Variants in KIAA0825 observed in about 807,000 individuals in gnomAD.
The protein encoded by KIAA0825 is KIAA0825.
KIAA0825 carries 119 observed loss-of-function variants against 147.6 expected under a neutral mutation model. The ratio of observed to expected loss-of-function variants is 0.81; its 90% confidence interval spans 0.69 to 0.94. The LOEUF is 0.94. Ranked by LOEUF, KIAA0825 falls within the 40% of genes least tolerant of loss-of-function variation. The pLI is 0.00. For synonymous variants in KIAA0825, 470 were observed against 518.1 expected (o/e 0.91, Z 1.26); for missense variants, 1,381 against 1,472.7 (o/e 0.94, Z 1.02).
chr5:94,298,970 G>T (rs943628245), intron 20 of KIAA0825, among the ~76,000 whole-genome samples: 1 of 152,036 alleles, frequency 6.6e-6, no homozygotes, highest in African/African-American at 2.4e-5. Flanking sequence ...CCCTCAATTC[G>T]CACTGTGTGG....
rs952497352 is a variant in KIAA0825, at chr5:94,304,414, G to T, written c.3710+79954C>A. 4.6e-5 allele frequency among the ~76,000 whole-genome samples: 7 copies of T among 152,170 alleles called. No homozygotes were observed. In the South Asian group the frequency reaches 1.2e-3, roughly 27 times the overall value. On this transcript the variant is annotated intron_variant, in intron 20 of 20. Transcript: ENST00000682413. Reference sequence around the variant, plus strand: ...GAGAGGGAATAATACGGCAGGTGAGGGGGGGTGACCCGTATCAACTAGAGA... The same window carrying T: ...GAGAGGGAATAATACGGCAGGTGAGTGGGGGTGACCCGTATCAACTAGAGA...
chr5:94,268,476 G>T (rs1397658457), intron 20 of KIAA0825, among the ~76,000 whole-genome samples: 3 of 152,118 alleles, frequency 2.0e-5, no homozygotes, highest in Non-Finnish European at 4.4e-5. Context: ...ATGTGGCAAA[G>T]TTGTTGGCTG....
intron 9 of KIAA0825, 123 bp from the exon 10 acceptor site, chr5:94,470,234 G>T: frequency 1.7e-6 from 1 of 590,964 alleles, no homozygotes; most frequent in Non-Finnish European, 2.5e-6. Context: ...TCTTAATGCT[G>T]AAGTCTGCAT....
intron 20 of KIAA0825, among the ~76,000 whole-genome samples, chr5:94,236,533 C>T (rs953136035): frequency 6.6e-6 from 1 of 152,156 alleles, no homozygotes; most frequent in Non-Finnish European, 1.5e-5. Context: ...TAGAATATTT[C>T]ATAAATTTAG....
chr5:94,348,394 G>A (rs1266011829), intron 20 of KIAA0825, among the ~76,000 whole-genome samples: 4 of 152,078 alleles, frequency 2.6e-5, no homozygotes, highest in East Asian at 1.9e-4. Context: ...GCTATGATAC[G>A]GAAGCACTAG....
At chr5:94,565,230 G>A (rs1778479470) in intron 2 of KIAA0825, among the ~76,000 whole-genome samples, 1 of 148,938 alleles carries the variant, frequency 6.7e-6, no homozygotes, top group South Asian at 2.1e-4. Flanking sequence ...ACCATGCCTG[G>A]TCTCTCCCTG....
At chr5:94,221,262 A>T (rs929654693) in intron 20 of KIAA0825, among the ~76,000 whole-genome samples, 28 of 152,144 alleles carry the variant, frequency 1.8e-4, no homozygotes, top group African/African-American at 6.8e-4. Flanking sequence ...GCCAACTTTC[A>T]TCCTTCTCTA....
intron 13 of KIAA0825, among the ~76,000 whole-genome samples, chr5:94,440,364 A>T (rs964852584): frequency 2.6e-5 from 4 of 152,168 alleles, no homozygotes; most frequent in Non-Finnish European, 5.9e-5. Flanking sequence ...CAAAATACCC[A>T]TGCCTATGTT....
rs538510120 is a variant in KIAA0825, at chr5:94,335,159, A to G, written c.3710+49209T>C. 6.6e-5 allele frequency among the ~76,000 whole-genome samples: 10 copies of G among 152,266 alleles called. No individual in the cohort carries two copies. The East Asian group carries it at 1.9e-3, about 29-fold the overall frequency. On this transcript the variant is annotated intron_variant, in intron 20 of 20. Transcript: ENST00000682413. ...AAAATAAAAATAGCTATTGTTATTT[A>G]CTCCTCAATATGAATTTAGAATTAG...
chr5:94,170,894 T>C (rs1768550715), intron 20 of KIAA0825, among the ~76,000 whole-genome samples: 1 of 152,178 alleles, frequency 6.6e-6, no homozygotes, highest in Non-Finnish European at 1.5e-5. Flanking sequence ...GCTCATCACA[T>C]CATTCATGGA....
chr5:94,482,121 C>T (rs186980697), intron 6 of KIAA0825, among the ~76,000 whole-genome samples: 21 of 152,094 alleles, frequency 1.4e-4, no homozygotes, highest in Admixed American at 2.0e-4. Flanking sequence ...CAAACAAAAG[C>T]AAATAATGAC....
chr5:94,465,326 G>A (rs531612962), intron 10 of KIAA0825, among the ~76,000 whole-genome samples: 1 of 152,296 alleles, frequency 6.6e-6, no homozygotes, highest in African/African-American at 2.4e-5. Flanking sequence ...CTAGCCTAGG[G>A]TTTAAAATCT....
chr5:94,582,216 T>C (rs1004859534), intron 2 of KIAA0825, among the ~76,000 whole-genome samples: 1 of 152,148 alleles, frequency 6.6e-6, no homozygotes, highest in African/African-American at 2.4e-5. Context: ...GCTGCAGTGT[T>C]GTGTAGAAGA....
At chr5:94,441,746 T>C (rs1031221114) in intron 13 of KIAA0825, among the ~76,000 whole-genome samples, 1 of 152,150 alleles carries the variant, frequency 6.6e-6, no homozygotes, top group Non-Finnish European at 1.5e-5. Context: ...GAGAAATAAA[T>C]GTTTGTTAAG....
chr5:94,312,515 C>G (rs1779278192), intron 20 of KIAA0825, among the ~76,000 whole-genome samples: 1 of 151,530 alleles, frequency 6.6e-6, no homozygotes, highest in African/African-American at 2.4e-5. Flanking sequence ...ATTTTGCGTT[C>G]TAAAGATGAT....
intron 9 of KIAA0825, among the ~76,000 whole-genome samples, chr5:94,470,775 C>A (rs1282084547): frequency 6.6e-6 from 1 of 151,996 alleles, no homozygotes; most frequent in East Asian, 1.9e-4. Context: ...TAACGGACTG[C>A]AAAGGCTGGA....
intron 20 of KIAA0825, among the ~76,000 whole-genome samples, chr5:94,267,954 G>T (rs1169752056): frequency 1.3e-5 from 2 of 151,934 alleles, no homozygotes; most frequent in East Asian, 1.9e-4. Context: ...CACAGACGTG[G>T]GATATAATAT....
At chr5:94,297,242 T>G (rs888406923) in intron 20 of KIAA0825, among the ~76,000 whole-genome samples, 1 of 152,120 alleles carries the variant, frequency 6.6e-6, no homozygotes, top group Non-Finnish European at 1.5e-5. Context: ...AGTTATTATC[T>G]CTAAATCCTG....
At chr5:94,230,922 C>T (rs1165807292) in intron 20 of KIAA0825, among the ~76,000 whole-genome samples, 1 of 152,086 alleles carries the variant, frequency 6.6e-6, no homozygotes, top group Non-Finnish European at 1.5e-5. Context: ...AGATTAGTTT[C>T]AATTGTTGTA....
Sources: gnomAD v4.1 joint callset for allele counts (sites outside exome capture counted in the v4.1 genomes callset) on GRCh38, gnomAD v4.1.1 for gene constraint, MANE v1.5 for transcripts, NCBI Gene and HGNC (gene_info 2026-07-23, HGNC 2026-07-21) for gene names.